Variants in SUCLG2 observed in about 807,000 individuals in gnomAD.
The protein encoded by SUCLG2 is succinate-CoA ligase GDP-forming subunit beta, also known as succinate--CoA ligase [GDP-forming] subunit beta, mitochondrial.
In SUCLG2, 42 loss-of-function variants were observed where a neutral mutation model predicts 47.9. The observed-to-expected ratio is 0.88, with a 90% CI of 0.69 to 1.14. The LOEUF is 1.14. SUCLG2 is among the 50% of genes most tolerant of loss of function. The pLI is 0.00. For synonymous variants in SUCLG2, 195 were observed against 197.3 expected (o/e 0.99, Z 0.10); for missense variants, 571 against 525.9 (o/e 1.09, Z -0.84).
intron 9 of SUCLG2, among the ~76,000 whole-genome samples, chr3:67,441,550 G>A (rs1048829881): frequency 2.0e-5 from 3 of 152,118 alleles, no homozygotes; most frequent in Admixed American, 1.3e-4. Flanking sequence ...AACCTCATGG[G>A]AGACCCCTGG....
At chr3:67,379,255 C>T (rs1275544317) in intron 10 of SUCLG2, among the ~76,000 whole-genome samples, 1 of 152,136 alleles carries the variant, frequency 6.6e-6, no homozygotes, top group African/African-American at 2.4e-5. Flanking sequence ...GTGTAAATTT[C>T]TATCTCCTCC....
intron 1 of SUCLG2, among the ~76,000 whole-genome samples, chr3:67,622,576 T>C (rs1032032708): frequency 6.6e-6 from 1 of 152,240 alleles, no homozygotes; most frequent in African/African-American, 2.4e-5. Flanking sequence ...TACGCTGTTT[T>C]ATCCTGAATA....
intron 5 of SUCLG2, 96 bp from the exon 6 acceptor site, chr3:67,518,432 T>G (rs1706009476): frequency 8.7e-7 from 1 of 1,143,562 alleles, no homozygotes; most frequent in Non-Finnish European, 1.2e-6. Flanking sequence ...TGCAAATGAG[T>G]AATTAAAGTG....
intron 9 of SUCLG2, among the ~76,000 whole-genome samples, chr3:67,474,346 A>G (rs981113094): frequency 6.6e-6 from 1 of 152,186 alleles, no homozygotes; most frequent in Non-Finnish European, 1.5e-5. Flanking sequence ...GAAGAGATGA[A>G]TATTACTGTG....
chr3:67,529,710 G>A (rs1328595458), intron 2 of SUCLG2, among the ~76,000 whole-genome samples: 1 of 152,212 alleles, frequency 6.6e-6, no homozygotes, highest in African/African-American at 2.4e-5. Context: ...ATAGGGTTGG[G>A]AAAGGGAGGA....
At chr3:67,632,696 A>G (rs1575831627) in intron 1 of SUCLG2, among the ~76,000 whole-genome samples, 1 of 152,276 alleles carries the variant, frequency 6.6e-6, no homozygotes, top group African/African-American at 2.4e-5. Flanking sequence ...TGCTTTTGAA[A>G]TCATAAGGTA....
intron 4 of SUCLG2, among the ~76,000 whole-genome samples, chr3:67,522,969 G>A (rs4856872): frequency 6.6e-4 from 99 of 151,078 alleles, no homozygotes; most frequent in Non-Finnish European, 1.5e-4. Flanking sequence ...TGGCCTAATT[G>A]TTTTGTATTT....
At chr3:67,407,694 T>C (rs896613798) in intron 9 of SUCLG2, among the ~76,000 whole-genome samples, 9 of 152,234 alleles carry the variant, frequency 5.9e-5, no homozygotes, top group Non-Finnish European at 1.3e-4. Flanking sequence ...CGAATGCTAA[T>C]TTAGTCCCAC....
At chr3:67,377,181 T>G (rs1360570620) in intron 10 of SUCLG2, among the ~76,000 whole-genome samples, 1 of 152,202 alleles carries the variant, frequency 6.6e-6, no homozygotes. Flanking sequence ...TTAAATAACT[T>G]TTCCATGGTC....
chr3:67,520,693 A>G (rs1706076932), intron 4 of SUCLG2, 59 bp from the exon 5 acceptor site: 3 of 1,547,416 alleles, frequency 1.9e-6, no homozygotes, highest in Non-Finnish European at 2.6e-6. Flanking sequence ...CTACTTGGAA[A>G]TCTATACAAA....
chr3:67,598,550 G>A (rs1405668932), intron 2 of SUCLG2, among the ~76,000 whole-genome samples: 1 of 152,152 alleles, frequency 6.6e-6, no homozygotes, highest in Admixed American at 6.5e-5. Context: ...AACCTGTCCA[G>A]ATTTACAGAA....
intron 1 of SUCLG2, among the ~76,000 whole-genome samples, chr3:67,650,360 C>A (rs1302934178): frequency 6.6e-6 from 1 of 152,216 alleles, no homozygotes; most frequent in African/African-American, 2.4e-5. Context: ...TATACAACAG[C>A]AGGGGCATGG....
intron 2 of SUCLG2, among the ~76,000 whole-genome samples, chr3:67,533,012 T>C (rs1009512471): frequency 6.6e-6 from 1 of 152,210 alleles, no homozygotes; most frequent in African/African-American, 2.4e-5. Context: ...ATAATCTAAA[T>C]AGAATACACA....
chr3:67,507,238 T>C (rs1705660940), intron 7 of SUCLG2, among the ~76,000 whole-genome samples: 1 of 152,212 alleles, frequency 6.6e-6, no homozygotes, highest in Admixed American at 6.5e-5. Flanking sequence ...GTAGCTTGTT[T>C]ATAAATGAGC....
chr3:67,567,445 A>G (rs1450433608), intron 2 of SUCLG2, among the ~76,000 whole-genome samples: 1 of 151,752 alleles, frequency 6.6e-6, no homozygotes, highest in African/African-American at 2.4e-5. Context: ...ACAGGTGCAC[A>G]CCACCACACC....
chr3:67,652,513 A>G (rs1701305665), intron 1 of SUCLG2, among the ~76,000 whole-genome samples: 1 of 152,232 alleles, frequency 6.6e-6, no homozygotes, highest in South Asian at 2.1e-4. Context: ...GAAACAGATC[A>G]TAGGAAGCAC....
chr3:67,462,200 C>A lies in SUCLG2; in HGVS notation c.1062+33598G>T, dbSNP rs758935367. Reference sequence around the variant, plus strand: ...CTCTCTCTGAAATTCTCCTGCCTTCCTTTCACCTGCTCCTTTTTCTTCCCA... The same window carrying A: ...CTCTCTCTGAAATTCTCCTGCCTTCATTTCACCTGCTCCTTTTTCTTCCCA... On this transcript the variant is annotated intron_variant, in intron 9 of 10. Transcript: ENST00000307227. Among the ~76,000 whole-genome samples the A allele has an allele frequency of 4.5e-4, 69 of 152,054 alleles. 2 individuals carry two copies. The highest frequency in any genetic ancestry group is 3.8e-4 in the Non-Finnish European group (26 of 68,000).
rs552579867 is a variant in SUCLG2, at chr3:67,478,476, G to A, written c.1062+17322C>T. Among the ~76,000 whole-genome samples the A allele has an allele frequency of 1.4e-4, 21 of 152,292 alleles. No individual in the cohort carries two copies. In the South Asian group the frequency reaches 4.4e-3, roughly 32 times the overall value. ...TAATGACCCTTTCGGTTGGATAATT[G>A]AATATTAAACAAACAAATGAAAAAT... On this transcript the variant is annotated intron_variant, in intron 9 of 10. Coordinates refer to ENST00000307227, the MANE Select transcript of SUCLG2 (RefSeq NM_003848.4).
chr3:67,404,949 C>T (rs1303368319), intron 9 of SUCLG2, among the ~76,000 whole-genome samples: 2 of 151,242 alleles, frequency 1.3e-5, no homozygotes. Context: ...TATCTTCCCC[C>T]AGCCCCCTGG....
Sources: allele counts gnomAD v4.1 joint callset (sites outside exome capture counted in the v4.1 genomes callset), GRCh38; gene constraint gnomAD v4.1.1; transcripts MANE v1.5; gene names NCBI Gene and HGNC (gene_info 2026-07-23, HGNC 2026-07-21).